Variants in DNAH9 observed in about 807,000 individuals in gnomAD.
DNAH9 encodes the protein DNAH9 variant protein.
A neutral mutation model predicts 471.6 loss-of-function variants in DNAH9; 345 were observed. The ratio of observed to expected loss-of-function variants is 0.73; its 90% confidence interval spans 0.67 to 0.80. The LOEUF (loss-of-function observed/expected upper bound fraction) is 0.80. Among genes scored for constraint, DNAH9 ranks in the 30% least tolerant of loss-of-function variants. The pLI is 0.00. For missense variants in DNAH9, 5,407 were observed against 5,609.2 expected (o/e 0.96, Z 1.15); for synonymous variants, 2,093 against 2,123.6 (o/e 0.99, Z 0.40).
At chr17:11,947,792 T>TTGAGACAGAG in intron 67 of DNAH9, among the ~76,000 whole-genome samples, 1 of 143,674 alleles carries the variant, frequency 7.0e-6, no homozygotes, top group African/African-American at 2.6e-5. Context: ...TTTTTTTTTT[T>TTGAGACAGAG]TTTTTTTGAG....
At chr17:11,960,360 C>T (rs748178750) in intron 67 of DNAH9, among the ~76,000 whole-genome samples, 5 of 140,626 alleles carry the variant, frequency 3.6e-5, no homozygotes, top group Non-Finnish European at 6.0e-5. Context: ...TCCTTGAGCT[C>T]GGGAGGCAGA....
At position 11,932,630 on chromosome 17, in the gene DNAH9, G is replaced by A. The variant is rs1432490072; in HGVS notation, c.12297+425G>A. ...CAGAAGGGGCATGAGCACACAGAAGGGCTGCACCCCACACAGGTGGGATGA... is the reference window on the plus strand; with the variant it reads ...CAGAAGGGGCATGAGCACACAGAAGAGCTGCACCCCACACAGGTGGGATGA... On this transcript the variant is annotated intron_variant, in intron 64 of 68. Coordinates refer to ENST00000262442, the MANE Select transcript of DNAH9 (RefSeq NM_001372.4). The surrounding 1 kb of genome is among the most constrained non-coding windows in gnomAD (Gnocchi z 4.3). 6.6e-6 allele frequency among the ~76,000 whole-genome samples: 1 copy of A among 152,158 alleles called. No individual in the cohort carries two copies. Among genetic ancestry groups the A allele is most frequent in the Middle Eastern group, 3.2e-3 (1 of 316 alleles).
At chr17:11,943,760 T>G (rs1975022555) in intron 67 of DNAH9, among the ~76,000 whole-genome samples, 1 of 152,126 alleles carries the variant, frequency 6.6e-6, no homozygotes, top group African/African-American at 2.4e-5. Context: ...CCACCGCACC[T>G]CAACATGGGT....
intron 45 of DNAH9, among the ~76,000 whole-genome samples, chr17:11,811,478 A>G (rs771373223): frequency 2.0e-5 from 3 of 152,096 alleles, no homozygotes; most frequent in Non-Finnish European, 1.5e-5. Context: ...TAATTACTTT[A>G]CAAACTCTCA....
At chr17:11,714,546 C>G (rs919021769) in intron 26 of DNAH9, among the ~76,000 whole-genome samples, 1 of 152,022 alleles carries the variant, frequency 6.6e-6, no homozygotes, top group Non-Finnish European at 1.5e-5. Context: ...CTCTAAGGAC[C>G]CTCACCCTTC....
chr17:11,605,773 G>A (rs1030090300), intron 1 of DNAH9, among the ~76,000 whole-genome samples: 2 of 151,662 alleles, frequency 1.3e-5, no homozygotes, highest in Admixed American at 1.3e-4. Context: ...TCAGTGCTGG[G>A]ATACAGGCGT....
chr17:11,859,084 CAAAAAAAAA>C (rs56040033), intron 50 of DNAH9, among the ~76,000 whole-genome samples: 4 of 64,374 alleles, frequency 6.2e-5, no homozygotes, highest in Admixed American at 2.2e-4. Flanking sequence ...AACCCCGTCT[CAAAAAAAAA>C]AAAAAAAAAA....
At chr17:11,954,243 G>T (rs542893718) in intron 67 of DNAH9, among the ~76,000 whole-genome samples, 9 of 151,816 alleles carry the variant, frequency 5.9e-5, no homozygotes, top group African/African-American at 1.9e-4. Flanking sequence ...GATGGGGAAG[G>T]GGGGGGCCAA....
chr17:11,613,050 A>C (rs1422233651), intron 4 of DNAH9, among the ~76,000 whole-genome samples: 1 of 152,148 alleles, frequency 6.6e-6, no homozygotes, highest in Non-Finnish European at 1.5e-5. Flanking sequence ...TTCCAACATG[A>C]ACTACATCAG....
intron 48 of DNAH9, among the ~76,000 whole-genome samples, chr17:11,831,428 A>C (rs1364730936): frequency 6.6e-6 from 1 of 152,064 alleles, no homozygotes; most frequent in Non-Finnish European, 1.5e-5. Flanking sequence ...ACCCACCCCC[A>C]CAGGAAGGGC....
chr17:11,622,975 T>C (rs1199053267), intron 6 of DNAH9, among the ~76,000 whole-genome samples: 7 of 147,704 alleles, frequency 4.7e-5, no homozygotes, highest in South Asian at 2.1e-4. Context: ...TTTCTTTTTT[T>C]TTTTTTTTTT....
At chr17:11,613,307 G>C (rs535116665) in intron 4 of DNAH9, among the ~76,000 whole-genome samples, 16 of 152,248 alleles carry the variant, frequency 1.1e-4, no homozygotes, top group African/African-American at 3.6e-4. Flanking sequence ...GAAATGACTA[G>C]GGGAAAGTTT....
Position 11,807,785 on chromosome 17 carries a change from G to T in DNAH9, c.8474G>T (p.Gly2825Val). 6.2e-7 allele frequency: 1 copy of T among 1,614,086 alleles called. No homozygotes were observed. Among genetic ancestry groups the T allele is most frequent in the Non-Finnish European group, 8.5e-7 (1 of 1,179,966 alleles). Residue 2825 changes from glycine (G) to valine (V), a missense_variant, in exon 44 of 69, where the codon GGT becomes GTT. By Grantham distance (109) the Gly-to-Val change is moderately radical (BLOSUM62 -3). Coordinates refer to ENST00000262442, the MANE Select transcript of DNAH9 (RefSeq NM_001372.4). ...CCGCGGGGAAATGCTCTGCTGGTTG[G>T]TGTAGGTGGGAGCGGCAAGCAGAGC... ...ESPRGNALLV[G>V]VGGSGKQSLT...
chr17:11,762,762 T>TTTTTTTTTC (rs1402877311), intron 35 of DNAH9, among the ~76,000 whole-genome samples: 1 of 93,006 alleles, frequency 1.1e-5, no homozygotes, highest in African/African-American at 4.1e-5. Context: ...AGGTGCGTTT[T>TTTTTTTTTC]TTTTTTTGTT....
intron 50 of DNAH9, among the ~76,000 whole-genome samples, chr17:11,855,884 A>G (rs1368268309): frequency 6.6e-6 from 1 of 152,208 alleles, no homozygotes; most frequent in Non-Finnish European, 1.5e-5. Context: ...AAGGTTTCCA[A>G]AATGCCCAAA....
At chr17:11,773,781 G>A (rs1319673163) in intron 38 of DNAH9, among the ~76,000 whole-genome samples, 1 of 152,202 alleles carries the variant, frequency 6.6e-6, no homozygotes, top group Non-Finnish European at 1.5e-5. Context: ...GCACTATCCA[G>A]ATTTAACAGA....
chr17:11,787,256 G>C (rs1968906889), intron 41 of DNAH9, among the ~76,000 whole-genome samples: 1 of 152,188 alleles, frequency 6.6e-6, no homozygotes, highest in Non-Finnish European at 1.5e-5. Flanking sequence ...ATTGGTTACA[G>C]CTTGGTGTTT....
rs758659370 is a variant in DNAH9, at chr17:11,822,521, C to T, written c.8934C>T (p.Ile2978=). The change falls in exon 47 of 69, where the codon ATC becomes ATT. Residue 2978 remains isoleucine, a synonymous_variant. Transcript: ENST00000262442. ...KFPAIVNCTA[I]HWFHEWPQQA... ...CAGCCATTGTGAACTGCACAGCCAT[C>T]CACTGGTTCCACGAGTGGCCTCAGC... The T allele has an allele frequency of 6.2e-7, 1 of 1,614,200 alleles. No individual in the cohort carries two copies. Among genetic ancestry groups the T allele is most frequent in the Non-Finnish European group, 8.5e-7 (1 of 1,180,038 alleles).
At chr17:11,646,823 G>T (rs1020916694) in intron 11 of DNAH9, among the ~76,000 whole-genome samples, 1 of 152,170 alleles carries the variant, frequency 6.6e-6, no homozygotes, top group African/African-American at 2.4e-5. Context: ...TGAGGCAGGA[G>T]AATCACTTGA....
Sources: gnomAD v4.1 joint callset for allele counts (sites outside exome capture counted in the v4.1 genomes callset) on GRCh38, gnomAD v4.1.1 for gene constraint, Gnocchi (gnomAD v3.1) non-coding constraint, MANE v1.5 for transcripts, NCBI Gene and HGNC (gene_info 2026-07-23, HGNC 2026-07-21) for gene names.